The following ENAH variants were observed in gnomAD, a reference collection of about 807,000 sequenced individuals.
The protein encoded by ENAH is protein enabled homolog.
In ENAH, 23 loss-of-function variants were observed where a neutral mutation model predicts 78.7. That is an observed-to-expected ratio of 0.29 (90% CI 0.21 to 0.41). The LOEUF is 0.41. Among genes scored for constraint, ENAH ranks in the 10% least tolerant of loss-of-function variants. The probability of loss-of-function intolerance (pLI) is 1.00; values close to 1 mark genes in which losing one functional copy is unlikely to be tolerated. For synonymous variants in ENAH, 226 were observed against 241.0 expected (o/e 0.94, Z 0.58); for missense variants, 544 against 691.0 (o/e 0.79, Z 2.39).
intron 2 of ENAH, among the ~76,000 whole-genome samples, chr1:225,560,836 C>A (rs1029214698): frequency 6.6e-6 from 1 of 152,224 alleles, no homozygotes; most frequent in Non-Finnish European, 1.5e-5. Context: ...AGATGTGTTA[C>A]ATTTACTTTT....
chr1:225,524,845 C>G (rs1422854801), intron 4 of ENAH, among the ~76,000 whole-genome samples: 1 of 151,954 alleles, frequency 6.6e-6, no homozygotes, highest in African/African-American at 2.4e-5. Flanking sequence ...CTCATCATGG[C>G]CAAGCCAAAT....
At chr1:225,525,789 C>T (rs1017182852) in intron 4 of ENAH, among the ~76,000 whole-genome samples, 8 of 152,004 alleles carry the variant, frequency 5.3e-5, no homozygotes, top group South Asian at 2.1e-4. Context: ...TTTTGAAGCT[C>T]CCCCACCTTG....
chr1:225,620,808 C>G (rs1656700179), intron 1 of ENAH, among the ~76,000 whole-genome samples: 1 of 152,004 alleles, frequency 6.6e-6, no homozygotes, highest in East Asian at 1.9e-4. Flanking sequence ...AGTTCAAGAC[C>G]AGCCTAGCCA....
At chr1:225,623,841 G>A (rs533178487) in intron 1 of ENAH, among the ~76,000 whole-genome samples, 13 of 152,114 alleles carry the variant, frequency 8.5e-5, no homozygotes, top group South Asian at 4.2e-4. Context: ...CACCTACATC[G>A]GCCTCCCAAA....
chr1:225,602,180 A>G (rs1345358313), intron 1 of ENAH, among the ~76,000 whole-genome samples: 4 of 152,138 alleles, frequency 2.6e-5, no homozygotes, highest in Non-Finnish European at 5.9e-5. Flanking sequence ...GAAAGAAAAC[A>G]GGTTGAAAAA....
At chr1:225,498,517 T>G in intron 12 of ENAH, 113 bp from the exon 13 acceptor site, 1 of 647,158 alleles carries the variant, frequency 1.5e-6, no homozygotes, top group South Asian at 2.2e-5. Flanking sequence ...TTTTTTTGTT[T>G]CCAGAGCCAC....
At chr1:225,502,480 G>A (rs2096288496) in intron 11 of ENAH, among the ~76,000 whole-genome samples, 2 of 152,118 alleles carry the variant, frequency 1.3e-5, no homozygotes, top group African/African-American at 4.8e-5. Flanking sequence ...AAATTGCTGG[G>A]TGTAGGTGTG....
At chr1:225,530,906 G>C (rs943387931) in intron 3 of ENAH, 4 of 418,140 alleles carry the variant, frequency 9.6e-6, no homozygotes, top group Non-Finnish European at 1.7e-5. Flanking sequence ...AAGAGCTTGA[G>C]TAAAACAAGT....
At chr1:225,592,368 G>A (rs531866246) in intron 1 of ENAH, among the ~76,000 whole-genome samples, 1 of 152,166 alleles carries the variant, frequency 6.6e-6, no homozygotes, top group Non-Finnish European at 1.5e-5. Context: ...TCCAGCAAGT[G>A]AGCCTGGTGA....
chr1:225,609,728 G>C (rs1425088937), intron 1 of ENAH, among the ~76,000 whole-genome samples: 2 of 126,420 alleles, frequency 1.6e-5, no homozygotes, highest in Non-Finnish European at 3.1e-5. Context: ...GCAGTGGCAC[G>C]ATCTTGGCTC....
chr1:225,637,804 T>TCCC (rs1660329598), intron 1 of ENAH, among the ~76,000 whole-genome samples: 1 of 152,088 alleles, frequency 6.6e-6, no homozygotes, highest in Non-Finnish European at 1.5e-5. Flanking sequence ...GTGCCTATAG[T>TCCC]CCCAGCTACT....
intron 1 of ENAH, among the ~76,000 whole-genome samples, chr1:225,588,960 T>A (rs1270424164): frequency 6.6e-6 from 1 of 152,152 alleles, no homozygotes; most frequent in East Asian, 1.9e-4. Flanking sequence ...AATTGTGGTG[T>A]ATTCACCCAA....
chr1:225,640,218 T>C (rs577496317), intron 1 of ENAH, among the ~76,000 whole-genome samples: 1 of 152,214 alleles, frequency 6.6e-6, no homozygotes, highest in Non-Finnish European at 1.5e-5. Context: ...TTATGTAAAA[T>C]TTTTTAAGCA....
At chr1:225,648,623 T>C (rs1662399950) in intron 1 of ENAH, among the ~76,000 whole-genome samples, 2 of 152,178 alleles carry the variant, frequency 1.3e-5, no homozygotes, top group African/African-American at 4.8e-5. Context: ...TAAACCTCTG[T>C]GGGAAAGTCA....
intron 1 of ENAH, among the ~76,000 whole-genome samples, chr1:225,576,175 G>A (rs984904420): frequency 6.6e-6 from 1 of 151,568 alleles, no homozygotes; most frequent in South Asian, 2.1e-4. Flanking sequence ...TACTTGGGAG[G>A]CTGAGGTGGG....
At chr1:225,592,059 T>C (rs1271648449) in intron 1 of ENAH, among the ~76,000 whole-genome samples, 1 of 152,188 alleles carries the variant, frequency 6.6e-6, no homozygotes, top group Non-Finnish European at 1.5e-5. Context: ...AATAAAACCA[T>C]GTACATGAAG....
chr1:225,555,933 G>A (rs1225830864), intron 2 of ENAH, among the ~76,000 whole-genome samples: 1 of 152,092 alleles, frequency 6.6e-6, no homozygotes, highest in Non-Finnish European at 1.5e-5. Flanking sequence ...ATTATTAATC[G>A]AGTTTTGTAG....
chr1:225,643,495 G>A (rs1661443357), intron 1 of ENAH, among the ~76,000 whole-genome samples: 1 of 151,844 alleles, frequency 6.6e-6, no homozygotes. Flanking sequence ...TATAACCAAA[G>A]ATGTTCACAG....
chr1:225,524,743 G>C lies in ENAH; in HGVS notation c.435-5178C>G, dbSNP rs182971527. 771 of 765,256 alleles carry C rather than the reference G, an allele frequency of 1.0e-3. 1 individual carries two copies. The highest frequency in any genetic ancestry group is 2.6e-3 in the Middle Eastern group (4 of 1,522). 47.4% of individuals were successfully genotyped at this position (765,256 alleles called of 1,614,324 possible). ...CTTTTATAACTTTCAGATAGTACTG[G>C]TGATTTGCGAACTATTTATAGATAT... On this transcript the variant is annotated intron_variant, in intron 4 of 13. Coordinates refer to ENST00000366843, the MANE Select transcript of ENAH (RefSeq NM_018212.6).
Sources: gnomAD v4.1 joint callset for allele counts (sites outside exome capture counted in the v4.1 genomes callset) on GRCh38, gnomAD v4.1.1 for gene constraint, MANE v1.5 for transcripts, NCBI Gene and HGNC (gene_info 2026-07-23, HGNC 2026-07-21) for gene names.